The following XPO4 variants were observed in gnomAD, a reference collection of about 807,000 sequenced individuals.
XPO4 encodes exportin-4.
XPO4 carries 39 observed loss-of-function variants against 143.0 expected under a neutral mutation model. That is an observed-to-expected ratio of 0.27 (90% CI 0.21 to 0.36). The LOEUF is 0.36. Ranked by LOEUF, XPO4 falls within the 10% of genes least tolerant of loss-of-function variation. The pLI is 1.00. For missense variants in XPO4, 907 were observed against 1,348.0 expected, an observed-to-expected ratio of 0.67 and a Z score of 5.12; for synonymous variants, 439 against 474.0, an observed-to-expected ratio of 0.93 and a Z score of 0.96.
intron 21 of XPO4, 123 bp downstream of exon 21, chr13:20,787,358 G>A (rs1365388490): frequency 7.8e-6 from 7 of 897,070 alleles, no homozygotes. Flanking sequence ...CAGTGAACAG[G>A]AAGTCATGGT....
At chr13:20,808,727 T>C (rs940909607) in intron 11 of XPO4, 146 bp from the exon 12 acceptor site, 15 of 642,558 alleles carry the variant, frequency 2.3e-5, no homozygotes, top group African/African-American at 1.6e-4. Context: ...ACTGTTGTCA[T>C]AGCACTATAG....
At chr13:20,842,858 T>C (rs1337478716) in intron 6 of XPO4, 37 bp downstream of exon 6, 3 of 1,551,552 alleles carry the variant, frequency 1.9e-6, no homozygotes, top group African/African-American at 1.4e-5. Flanking sequence ...CCTATGAAAA[T>C]TACCACAGAT....
intron 1 of XPO4, among the ~76,000 whole-genome samples, chr13:20,877,826 A>G (rs750545554): frequency 1.3e-5 from 2 of 152,192 alleles, no homozygotes; most frequent in Non-Finnish European, 2.9e-5. Context: ...AACACACTCA[A>G]CCTCACTAGT....
At chr13:20,787,684 G>T (rs1421837485) in intron 20 of XPO4, 86 bp from the exon 21 acceptor site, 3 of 1,082,258 alleles carry the variant, frequency 2.8e-6, no homozygotes, top group Non-Finnish European at 4.2e-6. Context: ...TTAAATGGAT[G>T]AGTGTTTCTA....
At chr13:20,844,825 T>C (rs1396517611) in intron 4 of XPO4, among the ~76,000 whole-genome samples, 1 of 152,174 alleles carries the variant, frequency 6.6e-6, no homozygotes, top group Non-Finnish European at 1.5e-5. Flanking sequence ...GTTCCATGAG[T>C]GACTAATAGA....
At chr13:20,812,706 T>C (rs1303346643) in intron 9 of XPO4, among the ~76,000 whole-genome samples, 1 of 152,204 alleles carries the variant, frequency 6.6e-6, no homozygotes, top group African/African-American at 2.4e-5. Flanking sequence ...ACTAATAATA[T>C]GCCAAAGTTA....
intron 2 of XPO4, chr13:20,863,060 C>T: frequency 7.8e-7 from 1 of 1,274,054 alleles, no homozygotes; most frequent in Non-Finnish European, 9.9e-7. Flanking sequence ...CAGCTAATCA[C>T]CGATCACAAT....
At chr13:20,895,052 C>T (rs1223110158) in intron 1 of XPO4, among the ~76,000 whole-genome samples, 1 of 151,638 alleles carries the variant, frequency 6.6e-6, no homozygotes, top group Non-Finnish European at 1.5e-5. Flanking sequence ...GTGGCGTGCA[C>T]CTGTAGTCCC....
chr13:20,870,089 C>CAAAAAAAAAAAAAAAAAAAAAA (rs59710121), intron 1 of XPO4, among the ~76,000 whole-genome samples: 9 of 98,902 alleles, frequency 9.1e-5, no homozygotes, highest in African/African-American at 4.0e-4. Flanking sequence ...GAAGGAGTCT[C>CAAAAAAAAAAAAAAAAAAAAAA]AAAAAAAAAA....
chr13:20,902,444 G>C, intron 1 of XPO4: 1 of 985,442 alleles, frequency 1.0e-6, no homozygotes, highest in Non-Finnish European at 1.2e-6. Flanking sequence ...GCCCGACTGG[G>C]GTGCTGGGCA....
intron 4 of XPO4, chr13:20,852,932 C>T: frequency 1.0e-6 from 1 of 985,394 alleles, no homozygotes; most frequent in Non-Finnish European, 1.2e-6. Flanking sequence ...TGGCTGACTT[C>T]ATGGAAAATG....
chr13:20,830,514 A>G (rs1226342755), intron 6 of XPO4, among the ~76,000 whole-genome samples: 1 of 152,152 alleles, frequency 6.6e-6, no homozygotes, highest in Admixed American at 6.6e-5. Context: ...ACTATTATAT[A>G]CCATAATAAA....
intron 7 of XPO4, among the ~76,000 whole-genome samples, chr13:20,826,389 C>T (rs2059786058): frequency 6.6e-6 from 1 of 152,178 alleles, no homozygotes. Flanking sequence ...GCCCAGGGAT[C>T]CCTGAAGCTT....
intron 1 of XPO4, among the ~76,000 whole-genome samples, chr13:20,880,566 A>C (rs1448903955): frequency 2.0e-5 from 3 of 152,238 alleles, no homozygotes; most frequent in African/African-American, 7.2e-5. Context: ...AAGAACTGAA[A>C]GCAATGCTTT....
At chr13:20,853,999 G>GT (rs1234202347) in intron 4 of XPO4, among the ~76,000 whole-genome samples, 1 of 152,106 alleles carries the variant, frequency 6.6e-6, no homozygotes, top group Non-Finnish European at 1.5e-5. Context: ...AAAATGTTCT[G>GT]TATCTTGACT....
intron 13 of XPO4, among the ~76,000 whole-genome samples, chr13:20,805,334 T>A (rs1408701085): frequency 2.0e-5 from 3 of 152,206 alleles, no homozygotes; most frequent in Admixed American, 6.5e-5. Flanking sequence ...TGCTGCTTCA[T>A]TCAGAACAAA....
chr13:20,864,931 A>G (rs2060232272), intron 2 of XPO4, among the ~76,000 whole-genome samples: 2 of 152,108 alleles, frequency 1.3e-5, no homozygotes, highest in Non-Finnish European at 2.9e-5. Flanking sequence ...AAACTAATAA[A>G]TTACCCTTTC....
chr13:20,864,669 C>G (rs1481418929), intron 2 of XPO4, among the ~76,000 whole-genome samples: 1 of 152,252 alleles, frequency 6.6e-6, no homozygotes, highest in East Asian at 1.9e-4. Context: ...ACATTCCTAA[C>G]TATTTGTTTT....
chr13:20,885,626 T>C (rs1330710405), intron 1 of XPO4, among the ~76,000 whole-genome samples: 2 of 152,052 alleles, frequency 1.3e-5, no homozygotes, highest in African/African-American at 2.4e-5. Context: ...CTCAAGGGCA[T>C]GGAAAGGTTG....
Sources: gnomAD v4.1 joint callset for allele counts (sites outside exome capture counted in the v4.1 genomes callset) on GRCh38, gnomAD v4.1.1 for gene constraint, MANE v1.5 for transcripts, NCBI Gene and HGNC (gene_info 2026-07-23, HGNC 2026-07-21) for gene names.